ATXN7L1: variants seen among roughly 807,000 people sequenced by gnomAD.
The protein encoded by ATXN7L1 is ataxin-7-like protein 1.
In ATXN7L1, 15 loss-of-function variants were observed where a neutral mutation model predicts 70.8. That is an observed-to-expected ratio of 0.21 (90% CI 0.14 to 0.33). ATXN7L1 has a LOEUF of 0.33. Among genes scored for constraint, ATXN7L1 ranks in the 10% least tolerant of loss-of-function variants. The pLI is 1.00. For missense variants in ATXN7L1, 975 were observed against 1,097.1 expected, an observed-to-expected ratio of 0.89 and a Z score of 1.57; for synonymous variants, 440 against 445.1, an observed-to-expected ratio of 0.99 and a Z score of 0.14.
intron 2 of ATXN7L1, among the ~76,000 whole-genome samples, chr7:105,790,646 CTAT>C (rs1563095381): frequency 1.4e-5 from 2 of 146,414 alleles, no homozygotes; most frequent in East Asian, 4.0e-4. Context: ...ATCTATCTAT[CTAT>C]CTATCATCTA....
At chr7:105,671,263 C>T (rs985539216) in intron 3 of ATXN7L1, among the ~76,000 whole-genome samples, 2 of 142,690 alleles carry the variant, frequency 1.4e-5, no homozygotes, top group Non-Finnish European at 3.0e-5. Flanking sequence ...AGCCTGACAA[C>T]AGAGTGAGAC....
chr7:105,632,581 T>C (rs1340340259), intron 7 of ATXN7L1, among the ~76,000 whole-genome samples: 1 of 152,050 alleles, frequency 6.6e-6, no homozygotes, highest in African/African-American at 2.4e-5. Context: ...TATCTCCAGA[T>C]TGAATGAGCT....
intron 7 of ATXN7L1, among the ~76,000 whole-genome samples, chr7:105,630,438 G>A (rs1004711637): frequency 3.3e-5 from 5 of 152,180 alleles, no homozygotes; most frequent in African/African-American, 1.2e-4. Context: ...GATTGGTTTA[G>A]AAAAGGACAT....
intron 3 of ATXN7L1, among the ~76,000 whole-genome samples, chr7:105,693,507 A>G (rs1315039931): frequency 6.6e-6 from 1 of 151,998 alleles, no homozygotes; most frequent in African/African-American, 2.4e-5. Flanking sequence ...GAAATTTTAA[A>G]TTGCTGGGTG....
rs546610991 is a variant in ATXN7L1, at chr7:105,789,094, A to G, written c.251-386T>C. On this transcript the variant is annotated intron_variant, in intron 2 of 11. Coordinates refer to ENST00000419735, the MANE Select transcript of ATXN7L1 (RefSeq NM_020725.2). ...GGAACTCCCCCAAACCCATTCCTGC[A>G]TAAGCAGCGGTCCCTCAGGGAAGTG... Among the ~76,000 whole-genome samples, 3 of 152,342 alleles carry G rather than the reference A, an allele frequency of 2.0e-5. No homozygotes were observed. The South Asian group carries it at 6.2e-4, about 32-fold the overall frequency.
intron 2 of ATXN7L1, among the ~76,000 whole-genome samples, chr7:105,832,672 G>A (rs1479094864): frequency 5.9e-5 from 9 of 152,158 alleles, no homozygotes; most frequent in African/African-American, 2.2e-4. Flanking sequence ...TCCACGGAAA[G>A]CTTTGAAAGG....
chr7:105,801,827 G>A (rs1426499873), intron 2 of ATXN7L1, among the ~76,000 whole-genome samples: 1 of 152,158 alleles, frequency 6.6e-6, no homozygotes, highest in African/African-American at 2.4e-5. Context: ...AGTGGGAGTA[G>A]TTACACCTTG....
At chr7:105,660,398 C>T (rs1192431276) in intron 4 of ATXN7L1, among the ~76,000 whole-genome samples, 1 of 152,038 alleles carries the variant, frequency 6.6e-6, no homozygotes, top group Admixed American at 6.6e-5. Flanking sequence ...TCCCCACATG[C>T]AAATACTTTT....
intron 10 of ATXN7L1, among the ~76,000 whole-genome samples, chr7:105,612,503 G>A (rs1345874626): frequency 6.6e-6 from 1 of 152,152 alleles, no homozygotes; most frequent in Non-Finnish European, 1.5e-5. Flanking sequence ...CGGGGGATTC[G>A]TGTATATGTT....
At chr7:105,633,905 C>G (rs192609144) in intron 7 of ATXN7L1, among the ~76,000 whole-genome samples, 1 of 152,144 alleles carries the variant, frequency 6.6e-6, no homozygotes, top group African/African-American at 2.4e-5. Flanking sequence ...AAGGGAGAAA[C>G]AGGGACACAT....
chr7:105,820,040 A>C (rs1809882340), intron 2 of ATXN7L1: 4 of 416,810 alleles, frequency 9.6e-6, no homozygotes, highest in Non-Finnish European at 1.9e-5. Context: ...GGTGAAAAGA[A>C]CGTGGAGAAG....
At chr7:105,720,276 G>A (rs576913488) in intron 3 of ATXN7L1, among the ~76,000 whole-genome samples, 13 of 152,292 alleles carry the variant, frequency 8.5e-5, no homozygotes, top group Admixed American at 3.9e-4. Context: ...GCTTACGCCT[G>A]TAATCCCAGC....
intron 3 of ATXN7L1, among the ~76,000 whole-genome samples, chr7:105,704,592 T>C (rs1467700582): frequency 7.2e-5 from 10 of 138,570 alleles, no homozygotes; most frequent in South Asian, 2.3e-4. Flanking sequence ...CTCTTTTTTT[T>C]TTTTTTTTTT....
chr7:105,837,112 C>G (rs906877062), intron 2 of ATXN7L1, among the ~76,000 whole-genome samples: 2 of 152,090 alleles, frequency 1.3e-5, no homozygotes, highest in Non-Finnish European at 2.9e-5. Context: ...TTTCAAAGAT[C>G]AGATCTTGTG....
chr7:105,670,098 G>A (rs1167046432), intron 3 of ATXN7L1, among the ~76,000 whole-genome samples: 2 of 152,226 alleles, frequency 1.3e-5, no homozygotes, highest in African/African-American at 2.4e-5. Context: ...TCTAGTCTAT[G>A]AAGACCTGCC....
At chr7:105,764,473 C>T (rs899975205) in intron 3 of ATXN7L1, among the ~76,000 whole-genome samples, 8 of 152,114 alleles carry the variant, frequency 5.3e-5, no homozygotes, top group African/African-American at 1.7e-4. Context: ...ATGGGGGAGC[C>T]GCAGTTGATT....
intron 3 of ATXN7L1, among the ~76,000 whole-genome samples, chr7:105,732,845 C>G (rs1280542935): frequency 6.6e-6 from 1 of 152,206 alleles, no homozygotes; most frequent in African/African-American, 2.4e-5. Flanking sequence ...TCAAACCCAC[C>G]AAGCATGTTC....
intron 8 of ATXN7L1, among the ~76,000 whole-genome samples, chr7:105,623,271 G>A (rs895468344): frequency 6.6e-6 from 1 of 152,164 alleles, no homozygotes; most frequent in African/African-American, 2.4e-5. Context: ...AGCTGATCCT[G>A]CAGGACTCAG....
In ATXN7L1 at chr7:105,612,833, A is replaced by ATTAAAACATCTT. The variant is rs1172192672; in HGVS notation, c.2472+1017_2472+1028dup. Among the ~76,000 whole-genome samples, 12 of 152,352 alleles carry ATTAAAACATCTT rather than the reference A, an allele frequency of 7.9e-5. No homozygotes were observed. The South Asian group carries it at 2.1e-3, about 26-fold the overall frequency. On this transcript the variant is annotated intron_variant, in intron 10 of 11. Coordinates refer to ENST00000419735, the MANE Select transcript of ATXN7L1 (RefSeq NM_020725.2). ...AGTCTCATAAGTGGTGACATAAAAC[A>ATTAAAACATCTT]TTAAAACATCTTTTAACAACTGCCT...
Sources: gnomAD v4.1 joint callset for allele counts (sites outside exome capture counted in the v4.1 genomes callset) on GRCh38, gnomAD v4.1.1 for gene constraint, MANE v1.5 for transcripts, NCBI Gene and HGNC (gene_info 2026-07-23, HGNC 2026-07-21) for gene names.